The following STX8 variants were observed in gnomAD, a reference collection of about 807,000 sequenced individuals.
The protein encoded by STX8 is syntaxin-8.
Under a neutral mutation model 37.5 loss-of-function variants are expected in STX8, and 23 were observed. The observed-to-expected ratio is 0.61, with a 90% CI of 0.44 to 0.87. STX8 has a LOEUF of 0.87. Ranked by LOEUF, STX8 falls within the 40% of genes least tolerant of loss-of-function variation. STX8 has a pLI of 0.00. For synonymous variants in STX8, 115 were observed against 99.1 expected (o/e 1.16, Z -0.95); for missense variants, 313 against 284.7 (o/e 1.10, Z -0.71).
intron 7 of STX8, among the ~76,000 whole-genome samples, chr17:9,260,947 G>A (rs770122888): frequency 1.3e-5 from 2 of 152,234 alleles, no homozygotes; most frequent in African/African-American, 4.8e-5. Context: ...AGAACGGTGT[G>A]AAGAGAGACA....
chr17:9,451,944 A>C (rs1488295312), intron 6 of STX8, among the ~76,000 whole-genome samples: 2 of 152,168 alleles, frequency 1.3e-5, no homozygotes, highest in Non-Finnish European at 2.9e-5. Flanking sequence ...TCTTAATCCA[A>C]TTAAATTACC....
chr17:9,452,422 G>A (rs879411715), intron 6 of STX8: 4 of 152,078 alleles, frequency 2.6e-5, no homozygotes, highest in South Asian at 2.1e-4. Context: ...TTCTATTTCC[G>A]AACACTAGTT....
intron 6 of STX8, among the ~76,000 whole-genome samples, chr17:9,472,741 CG>C (rs1318255224): frequency 6.6e-6 from 1 of 152,192 alleles, no homozygotes; most frequent in Non-Finnish European, 1.5e-5. Context: ...GAAAGGAAGC[CG>C]GGTGAGTCAC....
intron 6 of STX8, among the ~76,000 whole-genome samples, chr17:9,479,945 C>T (rs1453071978): frequency 6.6e-6 from 1 of 152,192 alleles, no homozygotes; most frequent in African/African-American, 2.4e-5. Context: ...CGTAAAGGCC[C>T]TTTGCCTATG....
intron 7 of STX8, among the ~76,000 whole-genome samples, chr17:9,306,845 G>A (rs545701624): frequency 1.7e-4 from 26 of 152,090 alleles, no homozygotes; most frequent in African/African-American, 5.5e-4. Context: ...AATCATTTAC[G>A]CCGGGCATGG....
chr17:9,287,426 G>T (rs1447307887), intron 7 of STX8, among the ~76,000 whole-genome samples: 1 of 152,112 alleles, frequency 6.6e-6, no homozygotes, highest in Non-Finnish European at 1.5e-5. Context: ...AAACATGGGG[G>T]CAACAGGCAC....
intron 7 of STX8, among the ~76,000 whole-genome samples, chr17:9,360,724 T>C (rs1911034984): frequency 6.6e-6 from 1 of 151,066 alleles, no homozygotes; most frequent in Non-Finnish European, 1.5e-5. Flanking sequence ...ACGACCGTTT[T>C]AAGGGCCAAA....
chr17:9,522,277 TG>T (rs1183334546), intron 4 of STX8, among the ~76,000 whole-genome samples: 1 of 152,198 alleles, frequency 6.6e-6, no homozygotes, highest in Admixed American at 6.5e-5. Context: ...AGCCATCTGC[TG>T]GTTACAGTTT....
intron 4 of STX8, among the ~76,000 whole-genome samples, chr17:9,513,435 T>C (rs148971789): frequency 6.6e-6 from 1 of 152,212 alleles, no homozygotes; most frequent in African/African-American, 2.4e-5. Context: ...TTGCTCAGCA[T>C]TACTAATCGT....
rs1717691760 is a variant in STX8 at position 9,479,491 on chromosome 17, G to A, written c.541+12338C>T. On this transcript the variant is annotated intron_variant, in intron 6 of 7. Coordinates refer to ENST00000306357, the MANE Select transcript of STX8 (RefSeq NM_004853.3). Reference sequence around the variant, plus strand: ...AGAGGTTGCAGTGAGCTGAGATCGTGCCACTGCACTCCAGCCTGGGAATAC... The same window carrying A: ...AGAGGTTGCAGTGAGCTGAGATCGTACCACTGCACTCCAGCCTGGGAATAC... Among the ~76,000 whole-genome samples the A allele has an allele frequency of 5.3e-5, 8 of 151,006 alleles. No individual in the cohort carries two copies. The South Asian group carries it at 1.7e-3, about 31-fold the overall frequency.
intron 6 of STX8, among the ~76,000 whole-genome samples, chr17:9,386,479 A>G (rs1183219153): frequency 6.6e-6 from 1 of 152,174 alleles, no homozygotes; most frequent in Non-Finnish European, 1.5e-5. Context: ...TCGAAAGGTC[A>G]TACAAATTCA....
rs928904257 is a variant in STX8, at chr17:9,507,204, G to A, written c.324-2042C>T. 2.0e-5 allele frequency among the ~76,000 whole-genome samples: 3 copies of A among 152,018 alleles called. No individual in the cohort carries two copies. The highest frequency in any genetic ancestry group is 2.1e-4 in the South Asian group (1 of 4,806). ...TGCAGCCCCCTACAGACATGCCCCC[G>A]GCCTGCCCAAAGGCCCCACACCTCA... On this transcript the variant is annotated intron_variant, in intron 4 of 7. Coordinates refer to ENST00000306357, the MANE Select transcript of STX8 (RefSeq NM_004853.3). The surrounding 1 kb of genome is among the most constrained non-coding windows in gnomAD (Gnocchi z 4.0).
chr17:9,468,443 T>C (rs1905709870), intron 6 of STX8, among the ~76,000 whole-genome samples: 1 of 152,208 alleles, frequency 6.6e-6, no homozygotes, highest in East Asian at 1.9e-4. Flanking sequence ...TTAATAAACA[T>C]CTTACGAAAA....
intron 5 of STX8, among the ~76,000 whole-genome samples, chr17:9,492,188 A>G (rs1906880443): frequency 6.6e-6 from 1 of 152,212 alleles, no homozygotes; most frequent in Admixed American, 6.5e-5. Context: ...CTGATACTTA[A>G]TATATAAAGA....
intron 4 of STX8, among the ~76,000 whole-genome samples, chr17:9,518,244 C>G (rs548515938): frequency 1.3e-5 from 2 of 152,214 alleles, no homozygotes; most frequent in East Asian, 3.9e-4. Context: ...CCTGCACGAC[C>G]AAAATCTTCT....
chr17:9,346,813 A>G (rs1910550158), intron 7 of STX8, among the ~76,000 whole-genome samples: 1 of 152,168 alleles, frequency 6.6e-6, no homozygotes. Context: ...TGACAGTGAC[A>G]TGAAGAGATA....
At chr17:9,287,809 T>A (rs1908133920) in intron 7 of STX8, among the ~76,000 whole-genome samples, 1 of 151,840 alleles carries the variant, frequency 6.6e-6, no homozygotes, top group Non-Finnish European at 1.5e-5. Flanking sequence ...TGGAGTGAAG[T>A]GGCACATCTC....
In STX8 at chr17:9,261,563, C is replaced by T. The variant is rs146352998; in HGVS notation, c.644-10918G>A. On this transcript the variant is annotated intron_variant, in intron 7 of 7. Transcript: ENST00000306357. Reference sequence around the variant, plus strand: ...TAGAGGGAGTGTGTAAAAACTCTGCCGCTATTGTCGCTTCCTGCACAGAAA... The same window carrying T: ...TAGAGGGAGTGTGTAAAAACTCTGCTGCTATTGTCGCTTCCTGCACAGAAA... 2.9e-3 allele frequency among the ~76,000 whole-genome samples: 445 copies of T among 152,224 alleles called. 2 individuals are homozygous for T. The highest frequency in any genetic ancestry group is 9.3e-3 in the African/African-American group (387 of 41,538).
At chr17:9,427,918 C>T (rs979364278) in intron 6 of STX8, among the ~76,000 whole-genome samples, 3 of 152,196 alleles carry the variant, frequency 2.0e-5, no homozygotes, top group Non-Finnish European at 2.9e-5. Context: ...GCAATTCCTG[C>T]TCCTCTGGCC....
Sources: allele counts gnomAD v4.1 joint callset (sites outside exome capture counted in the v4.1 genomes callset), GRCh38; gene constraint gnomAD v4.1.1; non-coding constraint Gnocchi (gnomAD v3.1); transcripts MANE v1.5; gene names NCBI Gene and HGNC (gene_info 2026-07-23, HGNC 2026-07-21).